The following SYT13 variants were observed in gnomAD, a reference collection of about 807,000 sequenced individuals.
SYT13 encodes synaptotagmin-13.
Under a neutral mutation model 38.6 loss-of-function variants are expected in SYT13, and 21 were observed. That is an observed-to-expected ratio of 0.54 (90% CI 0.39 to 0.78). The LOEUF is 0.78. Ranked by LOEUF, SYT13 falls within the 30% of genes least tolerant of loss-of-function variation. The pLI is 0.00. For missense variants in SYT13, 495 were observed against 548.7 expected, an observed-to-expected ratio of 0.90 and a Z score of 0.98; for synonymous variants, 241 against 237.6, an observed-to-expected ratio of 1.01 and a Z score of -0.13.
intron 1 of SYT13, chr11:45,285,754 G>A: frequency 1.5e-6 from 1 of 679,106 alleles, no homozygotes; most frequent in South Asian, 1.6e-5. Flanking sequence ...CCTCCCTTTA[G>A]GTCTCGCTGC....
Position 45,242,765 on chromosome 11 carries a change from A to T in SYT13, c.*1287T>A, listed in dbSNP as rs921957869. The T allele has an allele frequency of 6.6e-6, 1 of 152,126 alleles. No individual in the cohort carries two copies. The highest frequency in any genetic ancestry group is 1.5e-5 in the Non-Finnish European group (1 of 68,026). The allele number at this position is 152,126 out of a possible 1,614,324, so 9.4% of individuals were successfully genotyped here. A position where few individuals can be genotyped will look rare whatever the true frequency, so the allele number is the denominator to read the frequency against. Reference sequence around the variant, plus strand: ...CAGGTGCTGAAGGGCAATGTCAACAACAGAACCCAGGAATCCTGGTTCAGG... The same window carrying T: ...CAGGTGCTGAAGGGCAATGTCAACATCAGAACCCAGGAATCCTGGTTCAGG... On this transcript the variant is annotated 3_prime_UTR_variant, in exon 6 of 6. Transcript: ENST00000020926.
At chr11:45,271,590 A>G (rs773437099) in intron 1 of SYT13, among the ~76,000 whole-genome samples, 2 of 152,248 alleles carry the variant, frequency 1.3e-5, no homozygotes, top group Non-Finnish European at 2.9e-5. Context: ...AAGCAAAAAA[A>G]TCTTGAATTC....
At chr11:45,259,930 G>A (rs117947308) in intron 1 of SYT13, among the ~76,000 whole-genome samples, 2 of 152,354 alleles carry the variant, frequency 1.3e-5, no homozygotes, top group East Asian at 3.9e-4. Flanking sequence ...AACCAATCCA[G>A]CAATCTGTCT....
chr11:45,271,673 G>A (rs972291947), intron 1 of SYT13, among the ~76,000 whole-genome samples: 1 of 152,212 alleles, frequency 6.6e-6, no homozygotes, highest in Non-Finnish European at 1.5e-5. Context: ...AGTGTTTTCA[G>A]TAAATGAAAC....
intron 1 of SYT13, chr11:45,269,429 T>C (rs1332731896): frequency 3.2e-6 from 4 of 1,241,436 alleles, no homozygotes; most frequent in Non-Finnish European, 2.1e-6. Flanking sequence ...TTCTTGTAGG[T>C]GGCCCCTGCA....
chr11:45,284,632 C>T (rs1171314347), intron 1 of SYT13, among the ~76,000 whole-genome samples: 1 of 152,086 alleles, frequency 6.6e-6, no homozygotes, highest in East Asian at 1.9e-4. Flanking sequence ...ACTAGTTTCC[C>T]AGTGGTTCTC....
rs115382747 is a variant in SYT13, at chr11:45,261,079, A to G, written c.184-5188T>C. Among the ~76,000 whole-genome samples the G allele has an allele frequency of 1.8e-3, 267 of 152,350 alleles. 1 individual carries two copies. Among genetic ancestry groups the G allele is most frequent in the African/African-American group, 6.2e-3 (258 of 41,580 alleles). On this transcript the variant is annotated intron_variant, in intron 1 of 5. Coordinates refer to ENST00000020926, the MANE Select transcript of SYT13 (RefSeq NM_020826.3). ...AAGGATTTAAATAGACACTTCTCCA[A>G]AGAAGATATGCAAATGGCCAATAAG...
At chr11:45,245,717 TC>T in intron 5 of SYT13, among the ~76,000 whole-genome samples, 1 of 152,316 alleles carries the variant, frequency 6.6e-6, no homozygotes, top group Admixed American at 6.5e-5. Context: ...GGCTGGGGTA[TC>T]CAGAAGGAAA....
intron 1 of SYT13, among the ~76,000 whole-genome samples, chr11:45,268,327 C>A (rs1473016810): frequency 1.4e-5 from 2 of 139,730 alleles, no homozygotes; most frequent in Non-Finnish European, 3.0e-5. Flanking sequence ...ACCCAAAAAG[C>A]TATTTCCCTT....
At chr11:45,259,992 A>C (rs1195707585) in intron 1 of SYT13, among the ~76,000 whole-genome samples, 1 of 152,242 alleles carries the variant, frequency 6.6e-6, no homozygotes, top group Non-Finnish European at 1.5e-5. Context: ...TGTTTAAGCC[A>C]GTTTGAATTG....
intron 1 of SYT13, among the ~76,000 whole-genome samples, chr11:45,266,503 TACACACACAC>T (rs68112111): frequency 1.4e-5 from 2 of 147,282 alleles, no homozygotes; most frequent in Admixed American, 6.8e-5. Context: ...CCCTCTCAAA[TACACACACAC>T]ACACACACAC....
At chr11:45,266,379 A>G (rs529523927) in intron 1 of SYT13, among the ~76,000 whole-genome samples, 37 of 152,282 alleles carry the variant, frequency 2.4e-4, no homozygotes, top group Middle Eastern at 6.8e-3. Context: ...GAGTCTTTGT[A>G]TTTGATTCCA....
chr11:45,244,849 G>A lies in SYT13; in HGVS notation c.977-493C>T, dbSNP rs150280929. On this transcript the variant is annotated intron_variant, in intron 5 of 5. Coordinates refer to ENST00000020926, the MANE Select transcript of SYT13 (RefSeq NM_020826.3). ...GGCCACTGGGTGGCCTGTGATTGGG[G>A]CATGTTAGAGTACCAAGAGGGAACC... Among the ~76,000 whole-genome samples, 663 of 152,302 alleles carry A rather than the reference G, an allele frequency of 4.4e-3. 11 individuals carry two copies. Among genetic ancestry groups the A allele is most frequent in the African/African-American group, 0.016 (648 of 41,560 alleles).
intron 1 of SYT13, among the ~76,000 whole-genome samples, chr11:45,268,313 G>A (rs561936443): frequency 6.6e-6 from 1 of 151,832 alleles, no homozygotes; most frequent in Admixed American, 6.6e-5. Flanking sequence ...CAAGAAGCCA[G>A]GGGACCCAAA....
At chr11:45,248,804 A>AG (rs1313972915) in intron 4 of SYT13, among the ~76,000 whole-genome samples, 1 of 152,200 alleles carries the variant, frequency 6.6e-6, no homozygotes, top group Non-Finnish European at 1.5e-5. Context: ...CAGCCTCTGC[A>AG]GGGCTTTTCA....
At chr11:45,267,891 T>C (rs1590524120) in intron 1 of SYT13, among the ~76,000 whole-genome samples, 1 of 152,252 alleles carries the variant, frequency 6.6e-6, no homozygotes, top group East Asian at 1.9e-4. Flanking sequence ...TGTACCATCT[T>C]TTGTTATCCC....
chr11:45,248,850 G>T (rs1020312275), intron 4 of SYT13, among the ~76,000 whole-genome samples: 2 of 152,174 alleles, frequency 1.3e-5, no homozygotes, highest in African/African-American at 2.4e-5. Flanking sequence ...AGCCTAGCCG[G>T]CTGCACCATA....
At chr11:45,263,563 G>C (rs1854845747) in intron 1 of SYT13, among the ~76,000 whole-genome samples, 1 of 152,158 alleles carries the variant, frequency 6.6e-6, no homozygotes, top group East Asian at 1.9e-4. Context: ...GCATCCAGTT[G>C]AGCATCCAGT....
chr11:45,274,960 A>C (rs994602275), intron 1 of SYT13, among the ~76,000 whole-genome samples: 2 of 152,158 alleles, frequency 1.3e-5, no homozygotes, highest in African/African-American at 4.8e-5. Context: ...ACCTGAAAGG[A>C]GAGAAACCTG....
Sources: gnomAD v4.1 joint callset for allele counts (sites outside exome capture counted in the v4.1 genomes callset) on GRCh38, gnomAD v4.1.1 for gene constraint, MANE v1.5 for transcripts, NCBI Gene and HGNC (gene_info 2026-07-23, HGNC 2026-07-21) for gene names.